Variants in FAM162B observed in about 807,000 individuals in gnomAD.
FAM162B encodes the protein family with sequence similarity 162 member B, also known as protein FAM162B.
FAM162B carries 16 observed loss-of-function variants against 20.0 expected under a neutral mutation model. The observed-to-expected ratio is 0.80, with a 90% CI of 0.54 to 1.21. The LOEUF (loss-of-function observed/expected upper bound fraction) is 1.21. FAM162B is among the 50% of genes most tolerant of loss of function. The pLI, the probability that FAM162B is intolerant of heterozygous loss-of-function variation, is 0.00. For missense variants in FAM162B, 260 were observed against 227.5 expected (o/e 1.14, Z -0.92); for synonymous variants, 83 against 89.7 (o/e 0.93, Z 0.42).
rs1771902315 is a variant in FAM162B, at chr6:116,765,639, A to G, written c.-63T>C. On this transcript the variant is annotated 5_prime_UTR_variant, in exon 1 of 4. Coordinates refer to ENST00000368557, the MANE Select transcript of FAM162B (RefSeq NM_001085480.3). ...ACCCAGCCACAGGCGTTGTCCCCGCAGCTCTCCTCGTCCCGCCCCGGCCTG... is the reference window on the plus strand; with the variant it reads ...ACCCAGCCACAGGCGTTGTCCCCGCGGCTCTCCTCGTCCCGCCCCGGCCTG... 3.2e-6 allele frequency: 4 copies of G among 1,259,222 alleles called. No homozygotes were observed. Among genetic ancestry groups the G allele is most frequent in the Non-Finnish European group, 4.0e-6 (4 of 1,005,484 alleles). The allele number at this position is 1,259,222 out of a possible 1,614,324, so 78.0% of individuals were successfully genotyped here. A position where few individuals can be genotyped will look rare whatever the true frequency, so the allele number is the denominator to read the frequency against.
intron 2 of FAM162B, among the ~76,000 whole-genome samples, chr6:116,764,517 G>A (rs946676339): frequency 6.6e-6 from 1 of 152,066 alleles, no homozygotes; most frequent in African/African-American, 2.4e-5. Flanking sequence ...ATTAGTTTGA[G>A]TTTTATCATC....
At chr6:116,765,076 G>A (rs1771881472) in intron 2 of FAM162B, 71 bp downstream of exon 2, 24 of 1,487,142 alleles carry the variant, frequency 1.6e-5, no homozygotes, top group Non-Finnish European at 2.2e-5. Flanking sequence ...GGCCGCGGTC[G>A]GAAGGTGGGT....
rs988655749 is a variant in FAM162B at position 116,765,688 on chromosome 6, G to T, written c.-112C>A. On this transcript the variant is annotated 5_prime_UTR_variant, in exon 1 of 4. Transcript: ENST00000368557. ...TGCCGCGCGCTGGAGAGCCTGGGAC[G>T]TGCAGCTGGAACCCCTGGCGCTCGC... is the stretch of plus-strand genomic sequence containing the variant. The T allele has an allele frequency of 3.4e-6, 4 of 1,171,570 alleles. No homozygotes were observed. The highest frequency in any genetic ancestry group is 3.2e-5 in the East Asian group (1 of 31,246). The allele number at this position is 1,171,570 out of a possible 1,614,324, so 72.6% of individuals were successfully genotyped here.
intron 3 of FAM162B, among the ~76,000 whole-genome samples, chr6:116,759,015 T>G (rs968611448): frequency 6.6e-6 from 1 of 152,180 alleles, no homozygotes; most frequent in Non-Finnish European, 1.5e-5. Flanking sequence ...TTTTTCTATA[T>G]AAATTTTAGA....
intron 3 of FAM162B, among the ~76,000 whole-genome samples, chr6:116,753,940 T>C (rs1780022471): frequency 6.6e-6 from 1 of 152,104 alleles, no homozygotes; most frequent in African/African-American, 2.4e-5. Context: ...GAAGAAACCG[T>C]TTCATAAAAG....
chr6:116,753,465 G>T (rs11153627), intron 3 of FAM162B, among the ~76,000 whole-genome samples: 37,814 of 152,028 alleles, frequency 0.25, 4,829 homozygotes, highest in South Asian at 0.32. Context: ...GCTGTATTTT[G>T]AAAGTGGAGC....
At chr6:116,755,320 G>C (rs186946037) in intron 3 of FAM162B, among the ~76,000 whole-genome samples, 1 of 135,066 alleles carries the variant, frequency 7.4e-6, no homozygotes, top group East Asian at 1.9e-4. Flanking sequence ...GGTCTGGAAA[G>C]AAGATCAAAC....
chr6:116,765,609 T>C lies in FAM162B; in HGVS notation c.-33A>G, dbSNP rs775597877. 7.7e-6 allele frequency: 10 copies of C among 1,291,460 alleles called. No individual in the cohort carries two copies. The East Asian group carries it at 2.2e-4, about 28-fold the overall frequency. The allele number at this position is 1,291,460 out of a possible 1,614,324, so 80.0% of individuals were successfully genotyped here. A position where few individuals can be genotyped will look rare whatever the true frequency, so the allele number is the denominator to read the frequency against. On this transcript the variant is annotated 5_prime_UTR_variant, in exon 1 of 4. Transcript: ENST00000368557. ...GCTTGTCCCGCGCCGCACCCGCACC[T>C]CCGGACCCAGCCACAGGCGTTGTCC...
chr6:116,759,567 A>G (rs1780110299), intron 3 of FAM162B, among the ~76,000 whole-genome samples: 1 of 151,890 alleles, frequency 6.6e-6, no homozygotes, highest in African/African-American at 2.4e-5. Context: ...TCGGCCTCCC[A>G]AAGTGCTGGG....
At chr6:116,755,250 T>C (rs1447869941) in intron 3 of FAM162B, among the ~76,000 whole-genome samples, 3 of 152,210 alleles carry the variant, frequency 2.0e-5, no homozygotes, top group Admixed American at 6.5e-5. Context: ...AAAGTACTAC[T>C]CCAGTGAACA....
chr6:116,754,326 T>C (rs1780029124), intron 3 of FAM162B, among the ~76,000 whole-genome samples: 1 of 152,126 alleles, frequency 6.6e-6, no homozygotes, highest in Non-Finnish European at 1.5e-5. Flanking sequence ...CAGCACTGAT[T>C]CGGCAGAAGA....
chr6:116,765,570 T>C lies in FAM162B; in HGVS notation c.7A>G (p.Arg3Gly). 7.4e-7 allele frequency: 1 copy of C among 1,350,760 alleles called. No individual in the cohort carries two copies. The highest frequency in any genetic ancestry group is 3.0e-5 in the East Asian group (1 of 33,064). The allele number at this position is 1,350,760 out of a possible 1,614,324, so 83.7% of individuals were successfully genotyped here. A position where few individuals can be genotyped will look rare whatever the true frequency, so the allele number is the denominator to read the frequency against. ...AGGCGCAGTAGGCTCCCGACCGCCC[T>C]GAGCATGCTGCCCGCTTGTCCCGCG... ML[R>G]AVGSLLRLGR... The change falls in exon 1 of 4, where the codon AGG becomes GGG. Residue 3 changes from arginine (R) to glycine (G), a missense_variant. Physicochemically the swap from Arg to Gly is moderately radical, Grantham distance 125 (BLOSUM62 -2). Transcript: ENST00000368557.
intron 3 of FAM162B, among the ~76,000 whole-genome samples, chr6:116,755,755 C>T (rs1780044507): frequency 6.6e-6 from 1 of 152,096 alleles, no homozygotes; most frequent in Admixed American, 6.5e-5. Flanking sequence ...GAAGCCAATA[C>T]TCATTAGCAT....
chr6:116,761,894 T>A, intron 3 of FAM162B, 83 bp downstream of exon 3: 1 of 979,766 alleles, frequency 1.0e-6, no homozygotes, highest in South Asian at 2.3e-5. Flanking sequence ...ACTCACCCTT[T>A]TGGTGAGATA....
intron 3 of FAM162B, among the ~76,000 whole-genome samples, chr6:116,759,371 G>A (rs1393295915): frequency 1.3e-5 from 2 of 149,162 alleles, no homozygotes; most frequent in African/African-American, 2.5e-5. Context: ...GCACAATCTC[G>A]GATCACTGCA....
At position 116,765,218 on chromosome 6, in the gene FAM162B, C is replaced by G. The variant is rs768247003; in HGVS notation, c.210G>C (p.Ser70=). 1 of 1,613,754 alleles carries G rather than the reference C, an allele frequency of 6.2e-7. No homozygotes were observed. The highest frequency in any genetic ancestry group is 8.5e-7 in the Non-Finnish European group (1 of 1,179,966). The change falls in exon 2 of 4, where the codon TCG becomes TCC. Residue 70 remains serine, a synonymous_variant. Transcript: ENST00000368557. ...IHRVPTQRRP[S]QFDKKILLWT... is the part of the protein sequence containing the mutation. ...ACAGCAGGATTTTCTTGTCGAACTG[C>G]GAAGGCCTGCGCTGCGTGGGGACTC...
chr6:116,761,558 G>A (rs1054987651), intron 3 of FAM162B, among the ~76,000 whole-genome samples: 1 of 150,018 alleles, frequency 6.7e-6, no homozygotes, highest in Non-Finnish European at 1.5e-5. Context: ...GCCATATAGT[G>A]TTAATTTGTT....
intron 3 of FAM162B, among the ~76,000 whole-genome samples, chr6:116,759,598 C>T (rs1020709384): frequency 3.3e-5 from 5 of 152,092 alleles, no homozygotes; most frequent in African/African-American, 7.2e-5. Flanking sequence ...TGAGCCACCG[C>T]GCCCGGCCTG....
intron 3 of FAM162B, among the ~76,000 whole-genome samples, chr6:116,760,527 G>T (rs539225766): frequency 1.4e-4 from 22 of 152,110 alleles, no homozygotes; most frequent in South Asian, 1.0e-3. Flanking sequence ...TTATTAGAGG[G>T]TGATTCTAAG....
Sources: allele counts gnomAD v4.1 joint callset (sites outside exome capture counted in the v4.1 genomes callset), GRCh38; gene constraint gnomAD v4.1.1; transcripts MANE v1.5; gene names NCBI Gene and HGNC (gene_info 2026-07-23, HGNC 2026-07-21).